ASTN2: variants seen among roughly 807,000 people sequenced by gnomAD.
The protein encoded by ASTN2 is astrotactin-2.
A neutral mutation model predicts 139.8 loss-of-function variants in ASTN2; 54 were observed. The ratio of observed to expected loss-of-function variants is 0.39; its 90% CI spans 0.31 to 0.48. ASTN2 has a LOEUF of 0.48. Ranked by LOEUF, ASTN2 falls within the 20% of genes least tolerant of loss-of-function variation. ASTN2 has a pLI of 0.95. For missense variants in ASTN2, 1,565 were observed against 1,725.1 expected, an observed-to-expected ratio of 0.91 and a Z score of 1.64; for synonymous variants, 756 against 719.5, an observed-to-expected ratio of 1.05 and a Z score of -0.81.
At chr9:116,835,345 C>CATATTTTTTG (rs1831950365) in intron 11 of ASTN2, among the ~76,000 whole-genome samples, 1 of 140,982 alleles carries the variant, frequency 7.1e-6, no homozygotes, top group African/African-American at 2.8e-5. Flanking sequence ...TATCCCAAAA[C>CATATTTTTTG]ACGTTTCTTG....
At chr9:117,099,995 A>G (rs113643724) in intron 4 of ASTN2, among the ~76,000 whole-genome samples, 1 of 152,194 alleles carries the variant, frequency 6.6e-6, no homozygotes, top group African/African-American at 2.4e-5. Context: ...GTCTGTGCCT[A>G]TGTGTGCACA....
chr9:116,663,200 T>C lies in ASTN2; in HGVS notation c.2807-11407A>G, dbSNP rs551034609. 3.7e-4 allele frequency among the ~76,000 whole-genome samples: 56 copies of C among 152,314 alleles called. No individual in the cohort carries two copies. The South Asian group carries it at 8.5e-3, about 23-fold the overall frequency. Reference sequence around the variant, plus strand: ...CTTACGGAATTGGAGGCCTCTGAGATGCTAATGACCTGCTTTAGATAAAGA... The same window carrying C: ...CTTACGGAATTGGAGGCCTCTGAGACGCTAATGACCTGCTTTAGATAAAGA... On this transcript the variant is annotated intron_variant, in intron 16 of 22. Coordinates refer to ENST00000313400, the MANE Select transcript of ASTN2 (RefSeq NM_001365068.1).
chr9:116,838,677 A>T lies in ASTN2; in HGVS notation c.2041-17894T>A, dbSNP rs146418827. Among the ~76,000 whole-genome samples, 779 of 149,256 alleles carry T rather than the reference A, an allele frequency of 5.2e-3. 5 individuals carry two copies. Among genetic ancestry groups the T allele is most frequent in the African/African-American group, 0.018 (715 of 40,232 alleles). ...TGACCTCAGGTGATCCACCCGCCTC[A>T]GCCTCCCAAAGTGATAGGATTATGA... On this transcript the variant is annotated intron_variant, in intron 11 of 22. Transcript: ENST00000313400.
intron 10 of ASTN2, among the ~76,000 whole-genome samples, chr9:116,956,577 T>A (rs915102890): frequency 4.6e-5 from 7 of 151,442 alleles, no homozygotes; most frequent in African/African-American, 1.7e-4. Context: ...TCATGGAAAT[T>A]AGGCAAGAAA....
chr9:117,091,474 G>T (rs935821655), intron 5 of ASTN2, among the ~76,000 whole-genome samples: 1 of 152,156 alleles, frequency 6.6e-6, no homozygotes, highest in African/African-American at 2.4e-5. Context: ...ACAAAGGGGG[G>T]TACAGCACAG....
chr9:116,533,350 A>C (rs937184003), intron 19 of ASTN2, among the ~76,000 whole-genome samples: 2 of 152,074 alleles, frequency 1.3e-5, no homozygotes, highest in South Asian at 2.1e-4. Context: ...AATACCCTTT[A>C]TTTCTTTCTC....
At chr9:116,813,379 T>C (rs1831219948) in intron 12 of ASTN2, among the ~76,000 whole-genome samples, 1 of 152,176 alleles carries the variant, frequency 6.6e-6, no homozygotes, top group East Asian at 1.9e-4. Flanking sequence ...GATGGGTACT[T>C]TCATTCCAAC....
chr9:117,117,621 C>A (rs1829430747), intron 4 of ASTN2, among the ~76,000 whole-genome samples: 1 of 152,114 alleles, frequency 6.6e-6, no homozygotes, highest in Admixed American at 6.5e-5. Context: ...GAGTTCTCAT[C>A]AGCACCCCCT....
intron 2 of ASTN2, among the ~76,000 whole-genome samples, chr9:117,240,218 G>C (rs751499677): frequency 6.6e-6 from 1 of 152,136 alleles, no homozygotes; most frequent in Non-Finnish European, 1.5e-5. Context: ...GTTCAGTGAC[G>C]TGGTGAGAAG....
intron 11 of ASTN2, among the ~76,000 whole-genome samples, chr9:116,832,814 A>C (rs556710223): frequency 2.3e-4 from 35 of 152,088 alleles, no homozygotes; most frequent in African/African-American, 8.2e-4. Context: ...TATTGGTCTT[A>C]CTTTGTAGTT....
intron 1 of ASTN2, among the ~76,000 whole-genome samples, chr9:117,350,437 C>T (rs1829351950): frequency 6.6e-6 from 1 of 151,762 alleles, no homozygotes; most frequent in Non-Finnish European, 1.5e-5. Context: ...GTAATCCCAG[C>T]TACTTGGGAG....
At chr9:117,152,533 T>G (rs1007772070) in intron 3 of ASTN2, among the ~76,000 whole-genome samples, 9 of 152,172 alleles carry the variant, frequency 5.9e-5, no homozygotes, top group South Asian at 2.1e-4. Flanking sequence ...CTCTCATATC[T>G]TGCTCTTTCA....
chr9:117,156,830 GT>G (rs1381183189), intron 3 of ASTN2, among the ~76,000 whole-genome samples: 2 of 152,054 alleles, frequency 1.3e-5, no homozygotes, highest in Non-Finnish European at 2.9e-5. Flanking sequence ...CTGTTTTGCA[GT>G]AACTGTGGTT....
chr9:117,006,304 T>A (rs1220574839), intron 7 of ASTN2, among the ~76,000 whole-genome samples: 2 of 152,108 alleles, frequency 1.3e-5, no homozygotes, highest in Non-Finnish European at 2.9e-5. Flanking sequence ...AACAACACTC[T>A]TTATCTTCCT....
At chr9:116,762,912 G>T (rs940474964) in intron 13 of ASTN2, among the ~76,000 whole-genome samples, 3 of 152,190 alleles carry the variant, frequency 2.0e-5, no homozygotes, top group Non-Finnish European at 4.4e-5. Flanking sequence ...GCAACCCTAT[G>T]ACATTGGGAT....
At chr9:116,486,647 G>A (rs1849347433) in intron 20 of ASTN2, among the ~76,000 whole-genome samples, 1 of 152,174 alleles carries the variant, frequency 6.6e-6, no homozygotes, top group Admixed American at 6.5e-5. Flanking sequence ...TACATAAGGA[G>A]AGGTGGTCTA....
At chr9:116,437,859 C>T (rs951321289) in intron 22 of ASTN2, among the ~76,000 whole-genome samples, 6 of 152,134 alleles carry the variant, frequency 3.9e-5, no homozygotes, top group Admixed American at 2.6e-4. Flanking sequence ...TAAGGCCTTG[C>T]GCTGGACAGA....
At chr9:117,213,489 T>G (rs1441449974) in intron 3 of ASTN2, among the ~76,000 whole-genome samples, 1 of 152,170 alleles carries the variant, frequency 6.6e-6, no homozygotes, top group East Asian at 1.9e-4. Context: ...TTAAGATGAT[T>G]GATATACTAA....
chr9:117,362,379 A>T (rs1204343082), intron 1 of ASTN2, among the ~76,000 whole-genome samples: 1 of 151,824 alleles, frequency 6.6e-6, no homozygotes. Context: ...GGAAAAAATC[A>T]AAACCTGTGT....
Sources: allele counts gnomAD v4.1 joint callset (sites outside exome capture counted in the v4.1 genomes callset), GRCh38; gene constraint gnomAD v4.1.1; transcripts MANE v1.5; gene names NCBI Gene and HGNC (gene_info 2026-07-23, HGNC 2026-07-21).